The following ITGA9 variants were observed in gnomAD, a reference collection of about 807,000 sequenced individuals.
ITGA9 encodes integrin subunit alpha 9.
Under a neutral mutation model 127.8 loss-of-function variants are expected in ITGA9, and 56 were observed. The observed-to-expected ratio is 0.44, with a 90% CI of 0.35 to 0.55. The LOEUF (loss-of-function observed/expected upper bound fraction) is 0.55. Among genes scored for constraint, ITGA9 ranks in the 20% least tolerant of loss-of-function variants. The pLI, the probability that ITGA9 is intolerant of heterozygous loss-of-function variation, is 0.00. For synonymous variants in ITGA9, 508 were observed against 514.5 expected (o/e 0.99, Z 0.17); for missense variants, 1,196 against 1,347.1 (o/e 0.89, Z 1.76).
chr3:37,759,592 G>C (rs746632172), intron 23 of ITGA9, among the ~76,000 whole-genome samples: 9 of 152,176 alleles, frequency 5.9e-5, no homozygotes, highest in Non-Finnish European at 1.2e-4. Context: ...GAACCAAGGG[G>C]AAATTCTGGA....
intron 9 of ITGA9, among the ~76,000 whole-genome samples, chr3:37,515,301 G>C (rs548038587): frequency 6.6e-6 from 1 of 152,144 alleles, no homozygotes; most frequent in Non-Finnish European, 1.5e-5. Flanking sequence ...TAAAAAAATC[G>C]AAGTGTACTG....
intron 6 of ITGA9, 130 bp downstream of exon 6, chr3:37,503,437 C>A: frequency 9.9e-7 from 1 of 1,006,058 alleles, no homozygotes. Context: ...TAATGACTTA[C>A]ATCTTTAGCC....
intron 14 of ITGA9, among the ~76,000 whole-genome samples, chr3:37,539,715 A>AT (rs1284476305): frequency 6.6e-6 from 1 of 152,222 alleles, no homozygotes; most frequent in Non-Finnish European, 1.5e-5. Context: ...GCTTGACCAG[A>AT]TTCTGGGTAC....
Position 37,732,817 on chromosome 3 carries a change from A to T in ITGA9, c.2154+19A>T. 1 of 1,565,734 alleles carries T rather than the reference A, an allele frequency of 6.4e-7. No homozygotes were observed. Among genetic ancestry groups the T allele is most frequent in the Non-Finnish European group, 8.7e-7 (1 of 1,144,370 alleles). ...GTCAAAGGTAAGGGACACAGACGGG[A>T]CCCTTCCTCAGCAGCAGGCCCCCAG... On this transcript the variant is annotated intron_variant, in intron 19 of 27. Coordinates refer to ENST00000264741, the MANE Select transcript of ITGA9 (RefSeq NM_002207.3).
chr3:37,463,893 A>G (rs755793981), intron 1 of ITGA9, among the ~76,000 whole-genome samples: 18 of 152,166 alleles, frequency 1.2e-4, no homozygotes, highest in Non-Finnish European at 7.4e-5. Flanking sequence ...CTAAAAGAAA[A>G]TGTTTACTCA....
intron 1 of ITGA9, among the ~76,000 whole-genome samples, chr3:37,464,277 T>G (rs1196330409): frequency 2.4e-5 from 1 of 40,826 alleles, no homozygotes; most frequent in East Asian, 2.8e-4. Flanking sequence ...TTTGTCAGGG[T>G]TTTTTTTTTT....
intron 15 of ITGA9, among the ~76,000 whole-genome samples, chr3:37,599,427 T>C (rs1343496700): frequency 2.0e-5 from 3 of 152,190 alleles, no homozygotes; most frequent in African/African-American, 7.2e-5. Flanking sequence ...CTTGTTTACA[T>C]GGTTAGGAGG....
At chr3:37,705,655 CT>C (rs1355526918) in intron 18 of ITGA9, among the ~76,000 whole-genome samples, 1 of 152,206 alleles carries the variant, frequency 6.6e-6, no homozygotes, top group Non-Finnish European at 1.5e-5. Context: ...TCTGTATCGG[CT>C]TTCTAGCCAG....
chr3:37,454,580 CTT>C (rs1698236437), intron 1 of ITGA9, among the ~76,000 whole-genome samples: 1 of 152,202 alleles, frequency 6.6e-6, no homozygotes, highest in Non-Finnish European at 1.5e-5. Context: ...AGTGCCCTCT[CTT>C]GTTCTGATAC....
intron 18 of ITGA9, among the ~76,000 whole-genome samples, chr3:37,693,309 T>A (rs1319046056): frequency 6.6e-6 from 1 of 152,184 alleles, no homozygotes; most frequent in Non-Finnish European, 1.5e-5. Context: ...TCATTTTTGC[T>A]GTTTCTAAGG....
intron 17 of ITGA9, among the ~76,000 whole-genome samples, chr3:37,668,420 C>T (rs1480993029): frequency 2.0e-5 from 3 of 152,182 alleles, no homozygotes; most frequent in Admixed American, 2.0e-4. Flanking sequence ...CCAGCAGGCA[C>T]AATGACATGG....
At chr3:37,562,378 T>A (rs551869535) in intron 15 of ITGA9, among the ~76,000 whole-genome samples, 1 of 152,236 alleles carries the variant, frequency 6.6e-6, no homozygotes, top group African/African-American at 2.4e-5. Context: ...TTTTGGAACT[T>A]ATTCCACTAT....
At chr3:37,685,836 C>G (rs1700777387) in intron 18 of ITGA9, among the ~76,000 whole-genome samples, 1 of 152,130 alleles carries the variant, frequency 6.6e-6, no homozygotes, top group African/African-American at 2.4e-5. Context: ...TCAGAGCTGA[C>G]CCCACTCTGT....
intron 27 of ITGA9, among the ~76,000 whole-genome samples, chr3:37,804,297 A>G (rs17275376): frequency 0.059 from 8,936 of 152,296 alleles, 341 homozygotes; most frequent in Middle Eastern, 0.16. Context: ...AAGGCGAACT[A>G]TAGAACAATT....
At chr3:37,542,218 G>A (rs903613629) in intron 14 of ITGA9, among the ~76,000 whole-genome samples, 1 of 152,164 alleles carries the variant, frequency 6.6e-6, no homozygotes, top group African/African-American at 2.4e-5. Context: ...TAGAAAGGCA[G>A]AGGACATCAT....
chr3:37,681,256 C>G (rs1700731857), intron 17 of ITGA9, among the ~76,000 whole-genome samples: 1 of 152,138 alleles, frequency 6.6e-6, no homozygotes, highest in South Asian at 2.1e-4. Context: ...AGAGCATAGA[C>G]AAGAAGGCTG....
At chr3:37,510,383 C>T (rs1221639044) in intron 8 of ITGA9, among the ~76,000 whole-genome samples, 1 of 152,158 alleles carries the variant, frequency 6.6e-6, no homozygotes, top group African/African-American at 2.4e-5. Context: ...AACTGCTTTT[C>T]CTTCCCTGCC....
intron 17 of ITGA9, among the ~76,000 whole-genome samples, chr3:37,672,352 A>G (rs922468594): frequency 3.3e-5 from 5 of 152,016 alleles, no homozygotes; most frequent in African/African-American, 1.2e-4. Flanking sequence ...GTCTCACGAG[A>G]TCTGATGGTT....
Position 37,785,093 on chromosome 3 carries a change from C to G in ITGA9, c.2889+15C>G, listed in dbSNP as rs1383178204. ...AAGAGGTGACGGTGAGTCAGCCACC[C>G]CAGGACAGCCCTCCTCAGAGGGCAA... On this transcript the variant is annotated intron_variant, in intron 26 of 27. Coordinates refer to ENST00000264741, the MANE Select transcript of ITGA9 (RefSeq NM_002207.3). 1.3e-6 allele frequency: 2 copies of G among 1,557,928 alleles called. No individual in the cohort carries two copies. Among genetic ancestry groups the G allele is most frequent in the Non-Finnish European group, 1.8e-6 (2 of 1,128,820 alleles).
Sources: gnomAD v4.1 joint callset for allele counts (sites outside exome capture counted in the v4.1 genomes callset) on GRCh38, gnomAD v4.1.1 for gene constraint, MANE v1.5 for transcripts, NCBI Gene and HGNC (gene_info 2026-07-23, HGNC 2026-07-21) for gene names.